The following ZNF362 variants were observed in gnomAD, a reference collection of about 807,000 sequenced individuals.
ZNF362 encodes rotund homolog.
In ZNF362, 11 loss-of-function variants were observed where a neutral mutation model predicts 42.9. The observed-to-expected ratio is 0.26, with a 90% CI of 0.16 to 0.42. The LOEUF is 0.42. ZNF362 is among the 20% of genes least tolerant of loss of function. The probability of loss-of-function intolerance (pLI) is 1.00; values close to 1 mark genes in which losing one functional copy is unlikely to be tolerated. For synonymous variants in ZNF362, 255 were observed against 257.3 expected (o/e 0.99, Z 0.09); for missense variants, 362 against 576.2 (o/e 0.63, Z 3.81).
the ZNF362 span, among the ~76,000 whole-genome samples, chr1:33,141,106 GTGATGC>G: frequency 3.3e-5 from 5 of 152,062 alleles, no homozygotes; most frequent in African/African-American, 4.8e-5. Context: ...GTTGGGGCCC[GTGATGC>G]TGACTGGCAT....
the ZNF362 span, among the ~76,000 whole-genome samples, chr1:33,219,218 A>G: frequency 6.6e-6 from 1 of 151,998 alleles, no homozygotes. Flanking sequence ...CAATTTCCCC[A>G]TCTGTGAAAT....
intron 8 of ZNF362, among the ~76,000 whole-genome samples, chr1:33,297,511 C>CTTTTTT (rs776504622): frequency 0.036 from 2,796 of 77,728 alleles, 161 homozygotes; most frequent in East Asian, 0.054. Context: ...TACATGATTC[C>CTTTTTT]TCTTTTTTTT....
the ZNF362 span, among the ~76,000 whole-genome samples, chr1:33,236,100 C>G: frequency 6.6e-6 from 1 of 152,064 alleles, no homozygotes; most frequent in African/African-American, 2.4e-5. Context: ...AGGGCTTCAC[C>G]TTCCCTATTT....
At chr1:33,203,887 T>C in the ZNF362 span, among the ~76,000 whole-genome samples, 2 of 152,186 alleles carry the variant, frequency 1.3e-5, no homozygotes, top group Non-Finnish European at 2.9e-5. Flanking sequence ...ATATCAGATG[T>C]ACGGTTTGCA....
At chr1:33,254,478 G>A (rs1645774769), upstream of ZNF362, among the ~76,000 whole-genome samples, 1 of 152,170 alleles carries the variant, frequency 6.6e-6, no homozygotes. Context: ...TGATTTGGAT[G>A]ACCTTGATAG....
the ZNF362 span, among the ~76,000 whole-genome samples, chr1:33,247,833 G>C: frequency 1.3e-5 from 2 of 152,162 alleles, no homozygotes; most frequent in African/African-American, 4.8e-5. Flanking sequence ...ATGGATGATA[G>C]AGCCCTTCCA....
chr1:33,227,076 T>G, the ZNF362 span, among the ~76,000 whole-genome samples: 1 of 152,122 alleles, frequency 6.6e-6, no homozygotes, highest in African/African-American at 2.4e-5. Context: ...GGTTTCTTTT[T>G]TGGGGTGATA....
In ZNF362 at chr1:33,299,264, A is replaced by T. The variant is rs1646147986; in HGVS notation, c.*218A>T. 1 of 497,006 alleles carries T rather than the reference A, an allele frequency of 2.0e-6. No individual in the cohort carries two copies. The highest frequency in any genetic ancestry group is 3.1e-5 in the South Asian group (1 of 32,354). 30.8% of individuals were successfully genotyped at this position (497,006 alleles called of 1,614,324 possible). A position where few individuals can be genotyped will look rare whatever the true frequency, so the allele number is the denominator to read the frequency against. On this transcript the variant is annotated 3_prime_UTR_variant, in exon 9 of 9. Coordinates refer to ENST00000539719, the MANE Select transcript of ZNF362 (RefSeq NM_152493.3). Reference sequence around the variant, plus strand: ...TGGACTGTTTTGGTGGCATCCAAAGACGATCTCAGAGCACTTTGAACCTCT... The same window carrying T: ...TGGACTGTTTTGGTGGCATCCAAAGTCGATCTCAGAGCACTTTGAACCTCT...
At chr1:33,237,154 T>A in the ZNF362 span, among the ~76,000 whole-genome samples, 2 of 152,204 alleles carry the variant, frequency 1.3e-5, no homozygotes, top group African/African-American at 2.4e-5. Context: ...AAATAAAATT[T>A]AAAAATTTTT....
the ZNF362 span, among the ~76,000 whole-genome samples, chr1:33,192,668 A>G: frequency 6.6e-6 from 1 of 152,186 alleles, no homozygotes; most frequent in Non-Finnish European, 1.5e-5. Flanking sequence ...GGGTATTTAT[A>G]TACCAATGCT....
At chr1:33,146,756 G>C in the ZNF362 span, 1 of 233,300 alleles carries the variant, frequency 4.3e-6, no homozygotes, top group East Asian at 1.0e-4. Flanking sequence ...TCAGGGGTAA[G>C]TCTTAGGCCA....
chr1:33,297,452 C>G (rs529379192), intron 8 of ZNF362, among the ~76,000 whole-genome samples: 9 of 151,214 alleles, frequency 6.0e-5, no homozygotes, highest in Admixed American at 1.3e-4. Context: ...AATACCCGTT[C>G]AGCATTGACA....
the ZNF362 span, among the ~76,000 whole-genome samples, chr1:33,210,759 T>C: frequency 6.6e-6 from 1 of 152,106 alleles, no homozygotes; most frequent in African/African-American, 2.4e-5. Flanking sequence ...CCCTACTTTT[T>C]TTTCTTTCCA....
At chr1:33,251,121 CAG>C in the ZNF362 span, among the ~76,000 whole-genome samples, 1 of 152,152 alleles carries the variant, frequency 6.6e-6, no homozygotes, top group Non-Finnish European at 1.5e-5. Flanking sequence ...ACAGAAAGAA[CAG>C]GGAATCTGGA....
At chr1:33,150,952 G>A in the ZNF362 span, among the ~76,000 whole-genome samples, 2 of 152,124 alleles carry the variant, frequency 1.3e-5, no homozygotes, top group Non-Finnish European at 2.9e-5. Context: ...TATCTAAGGC[G>A]CCTGGGTGAT....
chr1:33,262,165 A>T (rs1177267854), intron 1 of ZNF362, among the ~76,000 whole-genome samples: 1 of 150,094 alleles, frequency 6.7e-6, no homozygotes, highest in Non-Finnish European at 1.5e-5. Flanking sequence ...GGGAAGGCCA[A>T]GGGATTTGGC....
the ZNF362 span, among the ~76,000 whole-genome samples, chr1:33,224,856 T>C: frequency 1.6e-4 from 25 of 152,144 alleles, no homozygotes; most frequent in Non-Finnish European, 2.9e-5. Flanking sequence ...AGGCACACAG[T>C]AGTCAAACTT....
chr1:33,237,564 A>G, the ZNF362 span, among the ~76,000 whole-genome samples: 1 of 152,184 alleles, frequency 6.6e-6, no homozygotes, highest in African/African-American at 2.4e-5. Flanking sequence ...TAATAATCGT[A>G]GCTAACATTT....
the ZNF362 span, among the ~76,000 whole-genome samples, chr1:33,169,909 C>A: frequency 6.6e-6 from 1 of 152,164 alleles, no homozygotes. Flanking sequence ...ACACATCTCT[C>A]AAGACCCAGA....
Sources: gnomAD v4.1 joint callset for allele counts (sites outside exome capture counted in the v4.1 genomes callset) on GRCh38, gnomAD v4.1.1 for gene constraint, MANE v1.5 for transcripts, NCBI Gene and HGNC (gene_info 2026-07-23, HGNC 2026-07-21) for gene names.